Variants in SYCE3 observed in about 807,000 individuals in gnomAD.
SYCE3 encodes the protein synaptonemal complex central element protein 3.
In SYCE3, 3 loss-of-function variants were observed where a neutral mutation model predicts 8.1. That is an observed-to-expected ratio of 0.37 (90% CI 0.17 to 0.96). The LOEUF (loss-of-function observed/expected upper bound fraction) is 0.96, where lower values mean the gene tolerates loss of function less well. SYCE3 is among the 40% of genes least tolerant of loss of function. SYCE3 has a pLI of 0.41. For missense variants in SYCE3, 83 were observed against 110.0 expected, an observed-to-expected ratio of 0.75 and a Z score of 1.10; for synonymous variants, 36 against 38.7, an observed-to-expected ratio of 0.93 and a Z score of 0.26.
At chr22:50,554,805 C>T (rs570427404) in intron 2 of SYCE3, among the ~76,000 whole-genome samples, 18 of 150,708 alleles carry the variant, frequency 1.2e-4, no homozygotes, top group African/African-American at 2.9e-4. Context: ...CTATCCTGGC[C>T]AACATGGTGA....
intron 2 of SYCE3, among the ~76,000 whole-genome samples, chr22:50,554,194 CAA>C (rs397954769): frequency 2.5e-4 from 27 of 108,504 alleles, no homozygotes; most frequent in Admixed American, 1.9e-4. Flanking sequence ...GACTCTGTCT[CAA>C]AAAAAAAAAA....
chr22:50,560,732 CTGAAGAA>C (rs1273328030), intron 1 of SYCE3, among the ~76,000 whole-genome samples: 1 of 151,914 alleles, frequency 6.6e-6, no homozygotes, highest in Non-Finnish European at 1.5e-5. Flanking sequence ...ACAGAAAAGC[CTGAAGAA>C]TCAGAAGAAA....
chr22:50,560,850 T>TAG (rs1186612926), intron 1 of SYCE3, among the ~76,000 whole-genome samples: 1 of 151,972 alleles, frequency 6.6e-6, no homozygotes. Context: ...ATAAGGTAGG[T>TAG]AGAGGTCAAG....
rs6009990 is a variant in SYCE3, at chr22:50,551,395, C to T, written c.117G>A (p.Ala39=). 59,184 of 1,549,272 alleles carry T rather than the reference C, an allele frequency of 0.038. 2,634 individuals carry two copies. Among genetic ancestry groups the T allele is most frequent in the African/African-American group, 0.22 (16,308 of 73,084 alleles). The change falls in exon 3 of 3, where the codon GCG becomes GCA. Residue 39 remains alanine, a synonymous_variant. Transcript: ENST00000406915. ...LEEMEKISVQ[A]TWMAYDMVVM... Reference sequence around the variant, plus strand: ...CCACCATGTCATAGGCCATCCAGGTCGCCTGCACTGCAACAAGCAGACAGG... The same window carrying T: ...CCACCATGTCATAGGCCATCCAGGTTGCCTGCACTGCAACAAGCAGACAGG...
chr22:50,557,126 C>A (rs1305713175), intron 1 of SYCE3, among the ~76,000 whole-genome samples: 2 of 150,696 alleles, frequency 1.3e-5, no homozygotes, highest in African/African-American at 4.9e-5. Flanking sequence ...ACTTACACAT[C>A]TTCTCGACAA....
intron 1 of SYCE3, among the ~76,000 whole-genome samples, chr22:50,557,438 G>A (rs1029573868): frequency 1.3e-5 from 2 of 152,084 alleles, no homozygotes; most frequent in Non-Finnish European, 2.9e-5. Flanking sequence ...TTACAGATGT[G>A]AGCCACCACA....
intron 2 of SYCE3, 43 bp downstream of exon 2, chr22:50,556,254 G>A (rs777427359): frequency 1.9e-4 from 267 of 1,396,358 alleles, no homozygotes; most frequent in Non-Finnish European, 2.4e-4. Flanking sequence ...TTTCTAAATT[G>A]ATTGAGACCT....
intron 1 of SYCE3, among the ~76,000 whole-genome samples, chr22:50,559,301 A>G (rs2069891405): frequency 6.6e-6 from 1 of 151,874 alleles, no homozygotes; most frequent in Admixed American, 6.6e-5. Flanking sequence ...TAATTTTTGT[A>G]TTTTTAGTAG....
At chr22:50,554,426 G>A (rs2069838893) in intron 2 of SYCE3, among the ~76,000 whole-genome samples, 1 of 152,110 alleles carries the variant, frequency 6.6e-6, no homozygotes, top group Non-Finnish European at 1.5e-5. Context: ...GGGCGTGGTG[G>A]CTCACGCGTG....
chr22:50,557,984 T>A (rs2069877482), intron 1 of SYCE3, among the ~76,000 whole-genome samples: 1 of 152,150 alleles, frequency 6.6e-6, no homozygotes, highest in African/African-American at 2.4e-5. Context: ...CCTCCCCAAC[T>A]AGACTGTGGG....
chr22:50,558,151 C>T (rs932310496), intron 1 of SYCE3, among the ~76,000 whole-genome samples: 3 of 152,240 alleles, frequency 2.0e-5, no homozygotes, highest in Admixed American at 6.5e-5. Flanking sequence ...TGGCCAAGCG[C>T]GGAGGCTCAT....
intron 1 of SYCE3, among the ~76,000 whole-genome samples, chr22:50,556,802 G>A (rs2069864138): frequency 6.6e-6 from 1 of 152,176 alleles, no homozygotes; most frequent in Admixed American, 6.5e-5. Context: ...TACAATTCCT[G>A]TACCTAAGGA....
chr22:50,561,583 T>C (rs1206574418), intron 1 of SYCE3, among the ~76,000 whole-genome samples: 1 of 137,384 alleles, frequency 7.3e-6, no homozygotes, highest in African/African-American at 2.9e-5. Flanking sequence ...GGGTCTGGCT[T>C]GGGTATCACT....
intron 1 of SYCE3, among the ~76,000 whole-genome samples, chr22:50,557,384 G>A (rs1035217365): frequency 6.6e-6 from 1 of 152,058 alleles, no homozygotes; most frequent in African/African-American, 2.4e-5. Flanking sequence ...TCAAACTCCT[G>A]ACCTCAGGTG....
intron 2 of SYCE3, among the ~76,000 whole-genome samples, chr22:50,552,390 C>T (rs1308893783): frequency 2.0e-5 from 3 of 152,116 alleles, no homozygotes; most frequent in East Asian, 1.9e-4. Flanking sequence ...CGGTGGCTCA[C>T]GCCTGTAATC....
At chr22:50,553,596 C>A (rs1194911180) in intron 2 of SYCE3, among the ~76,000 whole-genome samples, 1 of 152,046 alleles carries the variant, frequency 6.6e-6, no homozygotes, top group East Asian at 1.9e-4. Flanking sequence ...CAGGGACTAT[C>A]ACAGAAGAGA....
chr22:50,552,083 T>G (rs1440531072), intron 2 of SYCE3, among the ~76,000 whole-genome samples: 1 of 152,198 alleles, frequency 6.6e-6, no homozygotes, highest in Non-Finnish European at 1.5e-5. Flanking sequence ...CCTCCAACTT[T>G]TTCTCTGCAT....
Position 50,556,353 on chromosome 22 carries a change from A to G in SYCE3, c.53T>C (p.Leu18Pro). 6.4e-7 allele frequency: 1 copy of G among 1,552,150 alleles called. No individual in the cohort carries two copies. The highest frequency in any genetic ancestry group is 8.7e-7 in the Non-Finnish European group (1 of 1,147,100). ...ERNYDNMLKM[L>P]SDLNKDLEKL... The stretch of plus-strand genomic sequence containing the variant: ...TTCCAAGTCCTTATTCAGATCTGAC[A>G]GCATTTTCAGCATGTTGTCATAGTT... The change falls in exon 2 of 3, where the codon CTG becomes CCG. Residue 18 changes from leucine to proline, a missense_variant. Coordinates refer to ENST00000406915, the MANE Select transcript of SYCE3 (RefSeq NM_001123225.3).
At position 50,555,638 on chromosome 22, in the gene SYCE3, C is replaced by G. The variant is rs538009657; in HGVS notation, c.109+659G>C. Among the ~76,000 whole-genome samples, 6 of 152,284 alleles carry G rather than the reference C, an allele frequency of 3.9e-5. No homozygotes were observed. The South Asian group carries it at 1.2e-3, about 32-fold the overall frequency. On this transcript the variant is annotated intron_variant, in intron 2 of 2. Coordinates refer to ENST00000406915, the MANE Select transcript of SYCE3 (RefSeq NM_001123225.3). ...AAACTCTGGTCTCCACAACCCCTTA[C>G]CGTCATAACCCAGACATTCCTTTCT...
Sources: gnomAD v4.1 joint callset for allele counts (sites outside exome capture counted in the v4.1 genomes callset) on GRCh38, gnomAD v4.1.1 for gene constraint, MANE v1.5 for transcripts, NCBI Gene and HGNC (gene_info 2026-07-23, HGNC 2026-07-21) for gene names.